The following BRD1 variants were observed in gnomAD, a reference collection of about 807,000 sequenced individuals.
The protein encoded by BRD1 is bromodomain containing 1, also known as bromodomain-containing protein 1.
Under a neutral mutation model 107.7 loss-of-function variants are expected in BRD1, and 24 were observed. The observed-to-expected ratio is 0.22, with a 90% confidence interval of 0.16 to 0.31. BRD1 has a LOEUF of 0.31. BRD1 is among the 10% of genes least tolerant of loss of function. The probability of loss-of-function intolerance (pLI) is 1.00; values close to 1 mark genes in which losing one functional copy is unlikely to be tolerated. For synonymous variants in BRD1, 744 were observed against 686.1 expected (o/e 1.08, Z -1.32); for missense variants, 1,279 against 1,638.6 (o/e 0.78, Z 3.79).
chr22:49,802,900 C>T (rs1271173439), intron 3 of BRD1, among the ~76,000 whole-genome samples: 1 of 152,272 alleles, frequency 6.6e-6, no homozygotes, highest in East Asian at 1.9e-4. Context: ...AAAAGACATT[C>T]ACTGAAGCCT....
chr22:49,819,439 GCTAC>G (rs1011090158), intron 2 of BRD1, among the ~76,000 whole-genome samples: 1 of 152,094 alleles, frequency 6.6e-6, no homozygotes, highest in African/African-American at 2.4e-5. Context: ...TGTGGTCCCA[GCTAC>G]TCAAGAGGCT....
chr22:49,777,930 C>T, intron 8 of BRD1, 117 bp from the exon 9 acceptor site: 1 of 1,361,992 alleles, frequency 7.3e-7, no homozygotes, highest in South Asian at 1.5e-5. Flanking sequence ...ACAGGTAAGA[C>T]AGCATCTTCC....
chr22:49,808,720 A>T (rs1206853836), intron 2 of BRD1, among the ~76,000 whole-genome samples: 1 of 152,204 alleles, frequency 6.6e-6, no homozygotes, highest in Admixed American at 6.5e-5. Flanking sequence ...ATACTGAAAA[A>T]ACTTGAATAC....
chr22:49,775,577 G>T lies in BRD1; in HGVS notation c.3386+14C>A. On this transcript the variant is annotated intron_variant, in intron 12 of 12. Transcript: ENST00000404760. Reference sequence around the variant, plus strand: ...CCCCAGCCGGTCCCCGGAGTCTAAGGCCTCTCAACTCACCAACTTCTCTTA... The same window carrying T: ...CCCCAGCCGGTCCCCGGAGTCTAAGTCCTCTCAACTCACCAACTTCTCTTA... The T allele has an allele frequency of 1.9e-6, 3 of 1,578,262 alleles. No individual in the cohort carries two copies. Among genetic ancestry groups the T allele is most frequent in the Non-Finnish European group, 2.6e-6 (3 of 1,161,482 alleles).
intron 9 of BRD1, 94 bp from the exon 10 acceptor site, chr22:49,777,255 C>CCA: frequency 1.3e-6 from 2 of 1,559,404 alleles, no homozygotes; most frequent in South Asian, 1.2e-5. Flanking sequence ...ACCAAGCTGG[C>CCA]CACGCATCCT....
At chr22:49,821,377 T>A (rs2060063112) in intron 2 of BRD1, among the ~76,000 whole-genome samples, 1 of 152,232 alleles carries the variant, frequency 6.6e-6, no homozygotes, top group Non-Finnish European at 1.5e-5. Context: ...CTAGACTTTT[T>A]GACTCATAGG....
intron 2 of BRD1, chr22:49,807,105 C>A (rs2059760918): frequency 6.6e-6 from 1 of 152,064 alleles, no homozygotes; most frequent in African/African-American, 2.4e-5. Flanking sequence ...TAAGCCCAGT[C>A]TACATGCTGA....
intron 2 of BRD1, chr22:49,821,116 C>T (rs1321674935): frequency 6.6e-6 from 1 of 152,484 alleles, no homozygotes. Context: ...CTTCAGCCCC[C>T]ATGTCCTGCA....
At chr22:49,774,871 G>A (rs915105973) in intron 12 of BRD1, among the ~76,000 whole-genome samples, 3 of 152,242 alleles carry the variant, frequency 2.0e-5, no homozygotes, top group Non-Finnish European at 2.9e-5. Flanking sequence ...AGAGAAAGAC[G>A]GTAGGGATGC....
At chr22:49,777,259 G>C (rs1390603486) in intron 9 of BRD1, 98 bp from the exon 10 acceptor site, 30 of 1,550,196 alleles carry the variant, frequency 1.9e-5, no homozygotes, top group Non-Finnish European at 2.4e-5. Context: ...AGCTGGCCAC[G>C]CATCCTGCCT....
At chr22:49,811,885 A>G (rs2059857007) in intron 2 of BRD1, among the ~76,000 whole-genome samples, 1 of 152,226 alleles carries the variant, frequency 6.6e-6, no homozygotes, top group Admixed American at 6.5e-5. Flanking sequence ...GTTTGTGGGC[A>G]TTGCTATTTA....
chr22:49,793,992 C>A, intron 7 of BRD1, 42 bp downstream of exon 7: 1 of 1,581,906 alleles, frequency 6.3e-7, no homozygotes, highest in Non-Finnish European at 8.6e-7. Flanking sequence ...TGAGCCTGAG[C>A]CGTGACGGCA....
intron 12 of BRD1, among the ~76,000 whole-genome samples, chr22:49,774,618 G>A (rs547596962): frequency 6.6e-6 from 1 of 152,186 alleles, no homozygotes; most frequent in Admixed American, 6.5e-5. Context: ...TGGGGATACG[G>A]GGAGCTAAGT....
At chr22:49,774,848 G>A (rs1192890702) in intron 12 of BRD1, among the ~76,000 whole-genome samples, 1 of 152,258 alleles carries the variant, frequency 6.6e-6, no homozygotes, top group Non-Finnish European at 1.5e-5. Flanking sequence ...AGAGGCAGAG[G>A]TCGAGGCAAG....
intron 8 of BRD1, among the ~76,000 whole-genome samples, chr22:49,782,659 C>T (rs1239638759): frequency 2.0e-5 from 3 of 149,588 alleles, no homozygotes; most frequent in Admixed American, 6.7e-5. Flanking sequence ...TGCTGGGACC[C>T]ACTCCGCGAC....
chr22:49,784,183 CAG>C (rs1427797011), intron 8 of BRD1, among the ~76,000 whole-genome samples: 5 of 148,116 alleles, frequency 3.4e-5, no homozygotes, highest in African/African-American at 5.1e-5. Flanking sequence ...CACATGCACA[CAG>C]AGACTCGCAG....
intron 3 of BRD1, among the ~76,000 whole-genome samples, chr22:49,801,318 C>T (rs1171643228): frequency 6.6e-6 from 1 of 152,228 alleles, no homozygotes; most frequent in African/African-American, 2.4e-5. Flanking sequence ...TATGCGCAGC[C>T]AGCACAGACC....
rs202130982 is a variant in BRD1, at chr22:49,823,661, G to A, written c.657C>T (p.Ile219=). The A allele has an allele frequency of 1.9e-6, 3 of 1,613,176 alleles. No individual in the cohort carries two copies. In the East Asian group the frequency reaches 6.7e-5, roughly 36 times the overall value. The change falls in exon 2 of 13, where the codon ATC becomes ATT. Residue 219 remains isoleucine, a synonymous_variant. Coordinates refer to ENST00000404760, the MANE Select transcript of BRD1 (RefSeq NM_001304808.3). Reference sequence around the variant, plus strand: ...TGTTCTGACACTCCCCGTCCATGCAGATGCAGCACACGGCGTCCTCGTCGA... The same window carrying A: ...TGTTCTGACACTCCCCGTCCATGCAAATGCAGCACACGGCGTCCTCGTCGA... The part of the protein sequence containing the change: ...SLIDEDAVCC[I]CMDGECQNSN...
At chr22:49,819,986 C>T (rs1462314804) in intron 2 of BRD1, among the ~76,000 whole-genome samples, 1 of 151,674 alleles carries the variant, frequency 6.6e-6, no homozygotes, top group Non-Finnish European at 1.5e-5. Context: ...AAAAATCGGC[C>T]GGGTGTGGTG....
Sources: allele counts gnomAD v4.1 joint callset (sites outside exome capture counted in the v4.1 genomes callset), GRCh38; gene constraint gnomAD v4.1.1; transcripts MANE v1.5; gene names NCBI Gene and HGNC (gene_info 2026-07-23, HGNC 2026-07-21).